Variants in STIMATE observed in about 807,000 individuals in gnomAD.
STIMATE encodes the protein STIM activating enhancer, also known as store-operated calcium entry regulator STIMATE.
In STIMATE, 15 loss-of-function variants were observed where a neutral mutation model predicts 36.7. The observed-to-expected ratio is 0.41, with a 90% CI of 0.27 to 0.63. The LOEUF is 0.63. STIMATE is among the 20% of genes least tolerant of loss of function. The probability of loss-of-function intolerance (pLI) is 0.32; values close to 1 mark genes in which losing one functional copy is unlikely to be tolerated. For synonymous variants in STIMATE, 163 were observed against 162.3 expected, an observed-to-expected ratio of 1.00 and a Z score of -0.03; for missense variants, 305 against 397.3, an observed-to-expected ratio of 0.77 and a Z score of 1.98.
In STIMATE at chr3:52,843,759, G is replaced by A. The variant is rs991617995; in HGVS notation, c.580C>T (p.Leu194=). Residue 194 remains leucine, a synonymous_variant, in exon 6 of 8, where the codon CTG becomes TTG. Transcript: ENST00000355083. ...LNPIENPDLK[L]AIVMLIVPFF... ...GGGACGATCAGCATGACGATGGCCA[G>A]CTTCAAGTCTGGGTTTTCAATGGGA... The A allele has an allele frequency of 1.9e-6, 3 of 1,613,744 alleles. No individual in the cohort carries two copies. Among genetic ancestry groups the A allele is most frequent in the African/African-American group, 2.7e-5 (2 of 74,886 alleles).
chr3:52,861,660 T>C (rs551123494), intron 1 of STIMATE, among the ~76,000 whole-genome samples: 1 of 152,318 alleles, frequency 6.6e-6, no homozygotes, highest in East Asian at 1.9e-4. Context: ...TGCCTCACTG[T>C]GGAGTCCCCA....
At chr3:52,860,183 T>C (rs1701194303) in intron 1 of STIMATE, among the ~76,000 whole-genome samples, 1 of 150,498 alleles carries the variant, frequency 6.6e-6, no homozygotes, top group South Asian at 2.1e-4. Flanking sequence ...TTGAGGGGCC[T>C]GCTGTGTGAC....
Position 52,880,241 on chromosome 3 carries a change from G to A in STIMATE, c.160+17050C>T, listed in dbSNP as rs543456229. ...GCATCAAGAGAGTCCCAATCAGCAC[G>A]CATCCTTCTGACGTGCTCTTCACCA... is the stretch of plus-strand genomic sequence containing the variant. On this transcript the variant is annotated intron_variant, in intron 1 of 7. Transcript: ENST00000355083. Among the ~76,000 whole-genome samples the A allele has an allele frequency of 1.8e-4, 27 of 152,274 alleles. 1 individual carries two copies. Among genetic ancestry groups the A allele is most frequent in the African/African-American group, 5.1e-4 (21 of 41,556 alleles).
chr3:52,854,130 A>G (rs1046362329), intron 2 of STIMATE, among the ~76,000 whole-genome samples: 2 of 152,222 alleles, frequency 1.3e-5, no homozygotes, highest in African/African-American at 4.8e-5. Context: ...GAGCTCCTAA[A>G]ACACTTGTAA....
intron 1 of STIMATE, among the ~76,000 whole-genome samples, chr3:52,870,098 C>A (rs1399144896): frequency 3.9e-5 from 6 of 152,172 alleles, no homozygotes; most frequent in African/African-American, 1.4e-4. Context: ...TGGCTTCAGC[C>A]TCCGGAGTAG....
chr3:52,861,483 G>A (rs1701214150), intron 1 of STIMATE, among the ~76,000 whole-genome samples: 1 of 152,228 alleles, frequency 6.6e-6, no homozygotes, highest in Admixed American at 6.5e-5. Flanking sequence ...CAGTCAGACA[G>A]ATGTGGCTTT....
chr3:52,855,466 A>C, intron 1 of STIMATE, 22 bp from the exon 2 acceptor site: 2 of 1,614,152 alleles, frequency 1.2e-6, no homozygotes, highest in Non-Finnish European at 1.7e-6. Flanking sequence ...GACAGACATC[A>C]GTAGTTTTCC....
chr3:52,840,660 T>C, intron 7 of STIMATE, 50 bp from the exon 8 acceptor site: 1 of 1,563,036 alleles, frequency 6.4e-7, no homozygotes, highest in Non-Finnish European at 8.7e-7. Context: ...AGGGCCTTCT[T>C]CATTTGCCCT....
intron 1 of STIMATE, among the ~76,000 whole-genome samples, chr3:52,856,994 G>C (rs2106677012): frequency 6.6e-6 from 1 of 152,324 alleles, no homozygotes; most frequent in South Asian, 2.1e-4. Context: ...AGATGCTGTT[G>C]CAAGCCCACA....
intron 1 of STIMATE, among the ~76,000 whole-genome samples, chr3:52,868,317 G>A (rs1701345798): frequency 6.6e-6 from 1 of 152,194 alleles, no homozygotes; most frequent in African/African-American, 2.4e-5. Context: ...TGCTGCTGGT[G>A]TGGCCATGTG....
intron 1 of STIMATE, among the ~76,000 whole-genome samples, chr3:52,860,225 A>G (rs534848907): frequency 6.6e-6 from 1 of 152,144 alleles, no homozygotes; most frequent in South Asian, 2.1e-4. Flanking sequence ...GAAATGCACA[A>G]AACCCTTGCC....
chr3:52,843,875 A>G (rs1049580057), intron 5 of STIMATE, 77 bp from the exon 6 acceptor site: 1 of 1,586,064 alleles, frequency 6.3e-7, no homozygotes, highest in African/African-American at 1.3e-5. Context: ...TGGTACCCAT[A>G]GGCCCTGAGG....
At chr3:52,854,425 G>A (rs1257578490) in intron 2 of STIMATE, among the ~76,000 whole-genome samples, 1 of 152,192 alleles carries the variant, frequency 6.6e-6, no homozygotes. Flanking sequence ...ATGCCTACAT[G>A]ATGAACCCTC....
chr3:52,897,532 G>A lies in STIMATE; in HGVS notation c.-82C>T. 2 of 1,181,158 alleles carry A rather than the reference G, an allele frequency of 1.7e-6. No individual in the cohort carries two copies. Among genetic ancestry groups the A allele is most frequent in the Middle Eastern group, 3.4e-4 (1 of 2,922 alleles). 73.2% of individuals were successfully genotyped at this position (1,181,158 alleles called of 1,614,324 possible). A position where few individuals can be genotyped will look rare whatever the true frequency, so the allele number is the denominator to read the frequency against. On this transcript the variant is annotated 5_prime_UTR_variant, in exon 1 of 8. Coordinates refer to ENST00000355083, the MANE Select transcript of STIMATE (RefSeq NM_198563.5). ...CCGGCGCAGCGCCGCCAAACCCGCA[G>A]CCGGGATCCCAAGCCTGAGCCGGTA...
intron 1 of STIMATE, among the ~76,000 whole-genome samples, chr3:52,896,459 A>G (rs908793850): frequency 1.8e-4 from 25 of 140,284 alleles, no homozygotes; most frequent in African/African-American, 6.5e-4. Context: ...TGAAAAACAG[A>G]AGCCCCCCCC....
At chr3:52,892,926 T>A (rs1701805069) in intron 1 of STIMATE, among the ~76,000 whole-genome samples, 1 of 150,798 alleles carries the variant, frequency 6.6e-6, no homozygotes, top group Non-Finnish European at 1.5e-5. Flanking sequence ...CAGACCAAAC[T>A]CAGGAAAACA....
intron 1 of STIMATE, among the ~76,000 whole-genome samples, chr3:52,881,339 C>T (rs1701599295): frequency 6.6e-6 from 1 of 151,932 alleles, no homozygotes; most frequent in African/African-American, 2.4e-5. Flanking sequence ...ATCCTTAAGA[C>T]TGAAAAAGTA....
At chr3:52,845,830 A>T (rs1700886387) in intron 4 of STIMATE, among the ~76,000 whole-genome samples, 1 of 150,090 alleles carries the variant, frequency 6.7e-6, no homozygotes, top group Non-Finnish European at 1.5e-5. Flanking sequence ...GACCCAGGGG[A>T]GAGTGGGATG....
At position 52,839,644 on chromosome 3, in the gene STIMATE, C is replaced by T. The variant is rs188246620; in HGVS notation, c.*850G>A. 20 of 152,332 alleles carry T rather than the reference C, an allele frequency of 1.3e-4. No homozygotes were observed. Among genetic ancestry groups the T allele is most frequent in the African/African-American group, 4.8e-4 (20 of 41,550 alleles). The allele number at this position is 152,332 out of a possible 1,614,324, so 9.4% of individuals were successfully genotyped here. A position where few individuals can be genotyped will look rare whatever the true frequency, so the allele number is the denominator to read the frequency against. On this transcript the variant is annotated 3_prime_UTR_variant, in exon 8 of 8. Transcript: ENST00000355083. ...GCTCCAAGCTTGGGTCTGACCTTCA[C>T]AGAACCATTGGGTTTGCTGATTCTA... is the stretch of plus-strand genomic sequence containing the variant.
Sources: gnomAD v4.1 joint callset for allele counts (sites outside exome capture counted in the v4.1 genomes callset) on GRCh38, gnomAD v4.1.1 for gene constraint, MANE v1.5 for transcripts, NCBI Gene and HGNC (gene_info 2026-07-23, HGNC 2026-07-21) for gene names.